ARMH4: variants seen among roughly 807,000 people sequenced by gnomAD.
ARMH4 encodes armadillo like helical domain containing 4.
Under a neutral mutation model 61.9 loss-of-function variants are expected in ARMH4, and 49 were observed. The ratio of observed to expected loss-of-function variants is 0.79; its 90% CI spans 0.63 to 1.00. The LOEUF (loss-of-function observed/expected upper bound fraction) is 1.00, where lower values mean the gene tolerates loss of function less well. ARMH4 is among the 50% of genes least tolerant of loss of function. The probability of loss-of-function intolerance (pLI) is 0.00; values close to 1 mark genes in which losing one functional copy is unlikely to be tolerated. For missense variants in ARMH4, 934 were observed against 930.0 expected (o/e 1.00, Z -0.06); for synonymous variants, 368 against 341.5 (o/e 1.08, Z -0.85).
At chr14:58,060,819 A>G (rs1884505098) in intron 5 of ARMH4, among the ~76,000 whole-genome samples, 2 of 152,190 alleles carry the variant, frequency 1.3e-5, no homozygotes, top group Non-Finnish European at 2.9e-5. Context: ...GCAAATGCAC[A>G]AAGGGAAGAA....
chr14:58,091,784 G>A (rs1885573984), intron 5 of ARMH4, among the ~76,000 whole-genome samples: 1 of 152,164 alleles, frequency 6.6e-6, no homozygotes, highest in East Asian at 1.9e-4. Context: ...TTCTGCATAT[G>A]TGAATAGAGA....
intron 5 of ARMH4, among the ~76,000 whole-genome samples, chr14:58,071,573 A>G (rs1471758351): frequency 6.6e-6 from 1 of 152,170 alleles, no homozygotes; most frequent in Admixed American, 6.5e-5. Flanking sequence ...ATAGAAACTG[A>G]AGCTTTTTTT....
At chr14:58,032,370 T>C (rs960043864) in intron 5 of ARMH4, among the ~76,000 whole-genome samples, 4 of 152,230 alleles carry the variant, frequency 2.6e-5, no homozygotes, top group African/African-American at 9.6e-5. Context: ...ATAAATAATG[T>C]AGTCTTCCTG....
intron 4 of ARMH4, chr14:58,131,189 T>C (rs1887082047): frequency 8.5e-6 from 2 of 236,466 alleles, no homozygotes; most frequent in South Asian, 7.1e-5. Context: ...GCCACACACA[T>C]ATGAAAATGA....
Position 58,004,547 on chromosome 14 carries a change from G to T in ARMH4, c.*189C>A, listed in dbSNP as rs1882087924. The T allele has an allele frequency of 2.0e-6, 1 of 490,806 alleles. No homozygotes were observed. Among genetic ancestry groups the T allele is most frequent in the Non-Finnish European group, 3.7e-6 (1 of 271,232 alleles). 30.4% of individuals were successfully genotyped at this position (490,806 alleles called of 1,614,324 possible). A position where few individuals can be genotyped will look rare whatever the true frequency, so the allele number is the denominator to read the frequency against. On this transcript the variant is annotated 3_prime_UTR_variant, in exon 8 of 8. Coordinates refer to ENST00000267485, the MANE Select transcript of ARMH4 (RefSeq NM_001001872.4). ...TACAGAATAAAACCAAATACTGCAT[G>T]ATACGTTTAGTATACAACATGCCAT...
At chr14:58,130,715 T>C (rs1320071096) in intron 4 of ARMH4, among the ~76,000 whole-genome samples, 2 of 152,188 alleles carry the variant, frequency 1.3e-5, no homozygotes, top group Non-Finnish European at 2.9e-5. Flanking sequence ...TCTTAGTAAA[T>C]AAAGAGACTG....
At chr14:58,141,876 AG>A (rs1887571032) in intron 1 of ARMH4, among the ~76,000 whole-genome samples, 1 of 152,260 alleles carries the variant, frequency 6.6e-6, no homozygotes, top group African/African-American at 2.4e-5. Flanking sequence ...AAGGTTTAAG[AG>A]TTAAGCAAGG....
At position 58,025,888 on chromosome 14, in the gene ARMH4, G is replaced by A. The variant is rs76941784; in HGVS notation, c.2090-13738C>T. Among the ~76,000 whole-genome samples, 105 of 152,090 alleles carry A rather than the reference G, an allele frequency of 6.9e-4. 1 individual carries two copies. The East Asian group carries it at 0.018, about 26-fold the overall frequency. On this transcript the variant is annotated intron_variant, in intron 5 of 7. Transcript: ENST00000267485. The stretch of plus-strand genomic sequence containing the variant: ...GCACAGGGCTAAGTGAACATTAATC[G>A]TCTATCTAAGAAGCAATTAATTCTG...
At chr14:58,056,180 C>A (rs986150752) in intron 5 of ARMH4, among the ~76,000 whole-genome samples, 3 of 152,222 alleles carry the variant, frequency 2.0e-5, no homozygotes, top group African/African-American at 7.2e-5. Context: ...TTAAGAAGAG[C>A]TGCTGAATCA....
At chr14:58,045,392 C>T (rs1451063532) in intron 5 of ARMH4, among the ~76,000 whole-genome samples, 1 of 152,136 alleles carries the variant, frequency 6.6e-6, no homozygotes, top group Admixed American at 6.5e-5. Flanking sequence ...TGTTCTCACT[C>T]ATAGGTGGGA....
chr14:58,063,588 T>C (rs144860424), intron 5 of ARMH4, among the ~76,000 whole-genome samples: 2 of 91,574 alleles, frequency 2.2e-5, no homozygotes, highest in East Asian at 7.6e-4. Flanking sequence ...CCAAGAAAGC[T>C]TTGCAAGGCA....
intron 5 of ARMH4, among the ~76,000 whole-genome samples, chr14:58,088,310 T>C (rs1423812751): frequency 6.6e-6 from 1 of 152,104 alleles, no homozygotes; most frequent in Non-Finnish European, 1.5e-5. Flanking sequence ...GAAAGATCTA[T>C]GAATAAAAAA....
chr14:58,077,012 C>T (rs1885068274), intron 5 of ARMH4, among the ~76,000 whole-genome samples: 1 of 152,168 alleles, frequency 6.6e-6, no homozygotes, highest in African/African-American at 2.4e-5. Context: ...TCTTGCTTAG[C>T]TTGGCCCCTT....
chr14:58,140,643 G>A (rs1378935901), intron 1 of ARMH4, among the ~76,000 whole-genome samples: 1 of 151,744 alleles, frequency 6.6e-6, no homozygotes, highest in Non-Finnish European at 1.5e-5. Flanking sequence ...GCTCACACCT[G>A]AAATCCCAGC....
intron 1 of ARMH4, among the ~76,000 whole-genome samples, chr14:58,141,972 TGTA>T (rs1158395989): frequency 6.6e-6 from 1 of 152,186 alleles, no homozygotes; most frequent in Admixed American, 6.5e-5. Flanking sequence ...AAAAAATTAT[TGTA>T]GTATTTGAAA....
At chr14:58,143,763 CTCTT>C (rs1887641605) in intron 1 of ARMH4, among the ~76,000 whole-genome samples, 2 of 107,492 alleles carry the variant, frequency 1.9e-5, no homozygotes, top group Non-Finnish European at 3.9e-5. Flanking sequence ...CGTGCCCATC[CTCTT>C]TTTTTTTTTT....
At chr14:58,009,464 C>T (rs900971732) in intron 6 of ARMH4, among the ~76,000 whole-genome samples, 3 of 152,032 alleles carry the variant, frequency 2.0e-5, no homozygotes, top group Admixed American at 2.0e-4. Flanking sequence ...GCTTGGGCCG[C>T]TCTCACTGTG....
At chr14:58,115,625 T>G (rs1350401376) in intron 4 of ARMH4, among the ~76,000 whole-genome samples, 1 of 152,162 alleles carries the variant, frequency 6.6e-6, no homozygotes, top group Non-Finnish European at 1.5e-5. Context: ...CACTCATATG[T>G]CCATACCAGC....
At chr14:58,044,415 T>G (rs968196609) in intron 5 of ARMH4, among the ~76,000 whole-genome samples, 4 of 152,150 alleles carry the variant, frequency 2.6e-5, no homozygotes, top group Non-Finnish European at 2.9e-5. Context: ...TAGCCATATG[T>G]AGAAAGCTGA....
Sources: gnomAD v4.1 joint callset for allele counts (sites outside exome capture counted in the v4.1 genomes callset) on GRCh38, gnomAD v4.1.1 for gene constraint, MANE v1.5 for transcripts, NCBI Gene and HGNC (gene_info 2026-07-23, HGNC 2026-07-21) for gene names.